PCDH15: variants seen among roughly 807,000 people sequenced by gnomAD.
PCDH15 encodes protocadherin-15.
A neutral mutation model predicts 178.5 loss-of-function variants in PCDH15; 129 were observed. The observed-to-expected ratio is 0.72, with a 90% CI of 0.63 to 0.84. The LOEUF (loss-of-function observed/expected upper bound fraction) is 0.84, where lower values mean the gene tolerates loss of function less well. Among genes scored for constraint, PCDH15 ranks in the 40% least tolerant of loss-of-function variants. PCDH15 has a pLI of 0.00. For missense variants in PCDH15, 2,230 were observed against 2,099.9 expected (o/e 1.06, Z -1.21); for synonymous variants, 800 against 732.0 (o/e 1.09, Z -1.50).
At chr10:55,126,906 CA>C (rs67392937) in intron 2 of PCDH15, among the ~76,000 whole-genome samples, 15,588 of 150,520 alleles carry the variant, frequency 0.1, 851 homozygotes, top group African/African-American at 0.13. Context: ...TCTGGATTTG[CA>C]AAAAAAAAAA....
intron 2 of PCDH15, among the ~76,000 whole-genome samples, chr10:55,046,378 T>C (rs1841006277): frequency 6.6e-6 from 1 of 152,048 alleles, no homozygotes; most frequent in South Asian, 2.1e-4. Context: ...GTTTTAAATA[T>C]AGATTAAAAA....
intron 1 of PCDH15, among the ~76,000 whole-genome samples, chr10:54,773,352 T>G (rs2133293097): frequency 6.6e-6 from 1 of 152,306 alleles, no homozygotes; most frequent in East Asian, 1.9e-4. Context: ...TACGTCATTT[T>G]TAATAAATTA....
At chr10:53,816,828 G>A (rs1564521864) in intron 34 of PCDH15, among the ~76,000 whole-genome samples, 1 of 152,132 alleles carries the variant, frequency 6.6e-6, no homozygotes, top group Non-Finnish European at 1.5e-5. Flanking sequence ...CATTAAGTGT[G>A]TTTTCAGAAT....
At chr10:55,508,718 A>C (rs1223431739) in intron 2 of PCDH15, among the ~76,000 whole-genome samples, 1 of 151,690 alleles carries the variant, frequency 6.6e-6, no homozygotes, top group East Asian at 1.9e-4. Flanking sequence ...TTTATATTGA[A>C]TATTTTACTT....
At chr10:54,332,809 A>G (rs531963515) in intron 6 of PCDH15, among the ~76,000 whole-genome samples, 10 of 152,266 alleles carry the variant, frequency 6.6e-5, no homozygotes, top group African/African-American at 2.2e-4. Flanking sequence ...AATTATTAAA[A>G]ATAATAGTTA....
At chr10:53,815,526 C>T (rs1186756700) in intron 35 of PCDH15, among the ~76,000 whole-genome samples, 1 of 152,084 alleles carries the variant, frequency 6.6e-6, no homozygotes, top group Non-Finnish European at 1.5e-5. Context: ...TTTAATATTC[C>T]TGCCACACAA....
At chr10:55,095,799 C>T (rs947240477) in intron 2 of PCDH15, among the ~76,000 whole-genome samples, 3 of 152,018 alleles carry the variant, frequency 2.0e-5, no homozygotes, top group African/African-American at 7.2e-5. Context: ...ATTAATATCA[C>T]AGGAAGTCAT....
intron 1 of PCDH15, among the ~76,000 whole-genome samples, chr10:54,716,246 A>G (rs2095478326): frequency 6.6e-6 from 1 of 152,180 alleles, no homozygotes; most frequent in South Asian, 2.1e-4. Context: ...CTGAGGCAAC[A>G]GAGAGCTTCT....
intron 2 of PCDH15, among the ~76,000 whole-genome samples, chr10:55,462,800 T>C (rs1313317302): frequency 2.0e-5 from 3 of 152,140 alleles, no homozygotes; most frequent in Non-Finnish European, 4.4e-5. Context: ...GTTTGCCAAC[T>C]GCAGTAAATG....
intron 25 of PCDH15, chr10:53,905,130 T>A (rs879720556): frequency 1.9e-4 from 99 of 516,346 alleles, no homozygotes; most frequent in Middle Eastern, 9.6e-4. Context: ...AATAAATATA[T>A]CTTGTGTCAT....
intron 5 of PCDH15, among the ~76,000 whole-genome samples, chr10:54,368,877 AAAG>A (rs1420172499): frequency 1.3e-5 from 2 of 152,018 alleles, no homozygotes; most frequent in African/African-American, 4.8e-5. Flanking sequence ...ATAAATTTTC[AAAG>A]ATGATGAAAA....
chr10:53,980,449 C>T (rs2090543601), intron 21 of PCDH15, among the ~76,000 whole-genome samples: 1 of 89,086 alleles, frequency 1.1e-5, no homozygotes, highest in Non-Finnish European at 2.3e-5. Context: ...ATTACAGTGC[C>T]ATGGATGACA....
chr10:54,051,795 T>C (rs984246899), intron 18 of PCDH15, among the ~76,000 whole-genome samples: 1 of 152,116 alleles, frequency 6.6e-6, no homozygotes. Flanking sequence ...CAGCATCCTT[T>C]CCCATCATAG....
chr10:54,528,484 AT>A, intron 2 of PCDH15: 1 of 1,052,446 alleles, frequency 9.5e-7, no homozygotes, highest in Non-Finnish European at 1.4e-6. Context: ...ATATGTATAT[AT>A]TTAGTGAGAG....
At chr10:53,970,241 C>A (rs1398835424) in intron 21 of PCDH15, among the ~76,000 whole-genome samples, 2 of 151,758 alleles carry the variant, frequency 1.3e-5, no homozygotes, top group Non-Finnish European at 1.5e-5. Context: ...TTTAAACCAA[C>A]AAAGATCAGA....
chr10:54,336,291 A>G (rs1203466100), intron 6 of PCDH15, among the ~76,000 whole-genome samples: 1 of 152,234 alleles, frequency 6.6e-6, no homozygotes, highest in African/African-American at 2.4e-5. Flanking sequence ...CCAGTTGCAG[A>G]AATTTGCATA....
intron 9 of PCDH15, among the ~76,000 whole-genome samples, chr10:54,216,366 G>A (rs142435727): frequency 1.3e-5 from 2 of 152,148 alleles, no homozygotes; most frequent in East Asian, 3.9e-4. Context: ...TGAGAAAGGA[G>A]AATCACTTGA....
intron 18 of PCDH15, among the ~76,000 whole-genome samples, chr10:54,023,519 AT>A (rs1319187871): frequency 6.7e-6 from 1 of 148,748 alleles, no homozygotes; most frequent in Admixed American, 6.7e-5. Flanking sequence ...GTGAGAAAAA[AT>A]TTTGTTTGTA....
rs1170885233 is a variant in PCDH15, at chr10:54,307,104, GTATATATATA to G, written c.876+10157_876+10166del. 4.3e-3 allele frequency among the ~76,000 whole-genome samples: 114 copies of G among 26,558 alleles called. 10 individuals carry two copies. Among genetic ancestry groups the G allele is most frequent in the Middle Eastern group, 0.019 (1 of 52 alleles). The allele number at this position is 26,558 out of a possible 152,430, so 17.4% of individuals were successfully genotyped here. A position where few individuals can be genotyped will look rare whatever the true frequency, so the allele number is the denominator to read the frequency against. ...TACATATATATATATGTGTGTGTGT[GTATATATATA>G]TATATATATATATATATATATATAT... On this transcript the variant is annotated intron_variant, in intron 8 of 37. Transcript: ENST00000644397.
Sources: gnomAD v4.1 joint callset for allele counts (sites outside exome capture counted in the v4.1 genomes callset) on GRCh38, gnomAD v4.1.1 for gene constraint, MANE v1.5 for transcripts, NCBI Gene and HGNC (gene_info 2026-07-23, HGNC 2026-07-21) for gene names.